CDH12: variants seen among roughly 807,000 people sequenced by gnomAD.
CDH12 encodes cadherin 12.
CDH12 carries 41 observed loss-of-function variants against 74.1 expected under a neutral mutation model. That is an observed-to-expected ratio of 0.55 (90% CI 0.43 to 0.72). The LOEUF (loss-of-function observed/expected upper bound fraction) is 0.72, where lower values mean the gene tolerates loss of function less well. Among genes scored for constraint, CDH12 ranks in the 30% least tolerant of loss-of-function variants. The pLI, the probability that CDH12 is intolerant of heterozygous loss-of-function variation, is 0.00. For missense variants in CDH12, 945 were observed against 977.2 expected, an observed-to-expected ratio of 0.97 and a Z score of 0.44; for synonymous variants, 399 against 355.0, an observed-to-expected ratio of 1.12 and a Z score of -1.39.
At chr5:22,302,822 T>G (rs1014640529) in intron 3 of CDH12, among the ~76,000 whole-genome samples, 3 of 152,110 alleles carry the variant, frequency 2.0e-5, no homozygotes, top group Non-Finnish European at 4.4e-5. Flanking sequence ...ATCATGAATG[T>G]TAAGTGCACT....
At chr5:22,629,001 C>T (rs757101339) in intron 1 of CDH12, among the ~76,000 whole-genome samples, 1 of 150,942 alleles carries the variant, frequency 6.6e-6, no homozygotes, top group African/African-American at 2.4e-5. Context: ...AGAAAATCTA[C>T]AAGAAATGGA....
intron 3 of CDH12, among the ~76,000 whole-genome samples, chr5:22,265,831 A>G (rs1753683111): frequency 6.6e-6 from 1 of 152,120 alleles, no homozygotes; most frequent in African/African-American, 2.4e-5. Flanking sequence ...AGCAATATGA[A>G]CAGGTATAAA....
intron 3 of CDH12, among the ~76,000 whole-genome samples, chr5:22,317,531 A>G (rs1372034977): frequency 2.0e-5 from 3 of 152,192 alleles, no homozygotes. Context: ...AGACAAAGTG[A>G]TAGAATGTCA....
intron 4 of CDH12, among the ~76,000 whole-genome samples, chr5:22,118,423 A>G (rs4235545): frequency 0.024 from 3,660 of 152,156 alleles, 154 homozygotes; most frequent in African/African-American, 0.084. Flanking sequence ...TGCTTGCTAC[A>G]ATAACCTCTT....
At chr5:22,262,034 T>A (rs1365993361) in intron 3 of CDH12, among the ~76,000 whole-genome samples, 2 of 152,120 alleles carry the variant, frequency 1.3e-5, no homozygotes, top group Non-Finnish European at 2.9e-5. Context: ...AGTCATTTTA[T>A]GTAATATTGA....
At chr5:21,760,765 G>A (rs112349260) in intron 12 of CDH12, 90 bp from the exon 13 acceptor site, 5 of 789,280 alleles carry the variant, frequency 6.3e-6, no homozygotes, top group East Asian at 5.0e-5. Context: ...AAGCATGCAA[G>A]TAGACAGAAA....
intron 1 of CDH12, among the ~76,000 whole-genome samples, chr5:22,632,989 T>A (rs1363166827): frequency 6.6e-6 from 1 of 151,962 alleles, no homozygotes; most frequent in Non-Finnish European, 1.5e-5. Context: ...ATACAGGGAA[T>A]CCTCAATGAA....
intron 5 of CDH12, among the ~76,000 whole-genome samples, chr5:22,047,422 G>T (rs1001644626): frequency 2.0e-5 from 3 of 151,846 alleles, no homozygotes; most frequent in African/African-American, 7.3e-5. Context: ...TTTCCATAAT[G>T]ACAACTTATT....
chr5:22,348,621 G>T (rs1355468239), intron 3 of CDH12, among the ~76,000 whole-genome samples: 1 of 152,128 alleles, frequency 6.6e-6, no homozygotes, highest in Non-Finnish European at 1.5e-5. Context: ...AAGCATATTT[G>T]AATAAAACAT....
chr5:22,590,888 AC>A, intron 1 of CDH12, among the ~76,000 whole-genome samples: 1 of 152,244 alleles, frequency 6.6e-6, no homozygotes, highest in Non-Finnish European at 1.5e-5. Flanking sequence ...TTCTCTTGAC[AC>A]TAAAGCTATG....
At chr5:22,347,132 T>C (rs1245680735) in intron 3 of CDH12, among the ~76,000 whole-genome samples, 1 of 152,198 alleles carries the variant, frequency 6.6e-6, no homozygotes, top group Non-Finnish European at 1.5e-5. Context: ...ACAGTGAATA[T>C]TGATTGTCAA....
chr5:21,850,110 A>T (rs944649243), intron 7 of CDH12, among the ~76,000 whole-genome samples: 14 of 151,852 alleles, frequency 9.2e-5, no homozygotes, highest in African/African-American at 3.1e-4. Context: ...GAGGTAACAC[A>T]TGTAAAGAAT....
intron 3 of CDH12, among the ~76,000 whole-genome samples, chr5:22,365,201 T>C (rs1373371): frequency 0.27 from 41,304 of 152,030 alleles, 5,662 homozygotes; most frequent in East Asian, 0.34. Context: ...ATTTTGATGA[T>C]GTGAATCTTG....
chr5:22,566,816 CTATG>C (rs982946129), intron 1 of CDH12, among the ~76,000 whole-genome samples: 5 of 152,156 alleles, frequency 3.3e-5, no homozygotes, highest in African/African-American at 1.2e-4. Context: ...ACTGTGATCT[CTATG>C]TCTCATTGCT....
At chr5:22,176,583 C>A (rs1360331051) in intron 4 of CDH12, among the ~76,000 whole-genome samples, 3 of 152,108 alleles carry the variant, frequency 2.0e-5, no homozygotes, top group Non-Finnish European at 2.9e-5. Context: ...GTTAGTTCTA[C>A]CCCAAATGTC....
At chr5:22,599,762 CAAATTGAAAGATG>C (rs1736767496) in intron 1 of CDH12, among the ~76,000 whole-genome samples, 3 of 151,986 alleles carry the variant, frequency 2.0e-5, no homozygotes, top group African/African-American at 7.2e-5. Context: ...ATTTATGTAT[CAAATTGAAAGATG>C]TGTATAATTT....
chr5:22,678,045 G>GGC (rs1554058350), intron 1 of CDH12, among the ~76,000 whole-genome samples: 904 of 19,330 alleles, frequency 0.047, 21 homozygotes, highest in Middle Eastern at 0.087. Flanking sequence ...CCATCCTCAT[G>GGC]GGGGGGGGGG....
At position 22,678,051 on chromosome 5, in the gene CDH12, G is replaced by GGC. The variant is rs1561571451; in HGVS notation, c.-522-172688_-522-172687insGC. ...CCTCCTATACCATCCTCATGGGGGG[G>GGC]GGGGTTAGGATTTTAATGTAAAATT... On this transcript the variant is annotated intron_variant, in intron 1 of 14. Transcript: ENST00000382254. 4.0e-4 allele frequency among the ~76,000 whole-genome samples: 60 copies of GGC among 151,472 alleles called. 1 individual carries two copies. Among genetic ancestry groups the GGC allele is most frequent in the Admixed American group, 1.7e-3 (26 of 15,188 alleles).
chr5:22,284,207 C>T (rs183852856), intron 3 of CDH12, among the ~76,000 whole-genome samples: 24 of 152,068 alleles, frequency 1.6e-4, no homozygotes, highest in East Asian at 1.5e-3. Context: ...AAAGATGATA[C>T]GAGAAAAAAG....
Sources: gnomAD v4.1 joint callset for allele counts (sites outside exome capture counted in the v4.1 genomes callset) on GRCh38, gnomAD v4.1.1 for gene constraint, MANE v1.5 for transcripts, NCBI Gene and HGNC (gene_info 2026-07-23, HGNC 2026-07-21) for gene names.